GPR89B: variants seen among roughly 807,000 people sequenced by gnomAD.
GPR89B encodes the protein G protein-coupled receptor 89B.
A neutral mutation model predicts 52.4 loss-of-function variants in GPR89B; 25 were observed. That is an observed-to-expected ratio of 0.48 (90% CI 0.35 to 0.67). GPR89B has a LOEUF of 0.67. Ranked by LOEUF, GPR89B falls within the 30% of genes least tolerant of loss-of-function variation. The probability of loss-of-function intolerance (pLI) is 0.01; values close to 1 mark genes in which losing one functional copy is unlikely to be tolerated. For missense variants in GPR89B, 146 were observed against 450.2 expected, an observed-to-expected ratio of 0.32 and a Z score of 6.11; for synonymous variants, 52 against 151.2, an observed-to-expected ratio of 0.34 and a Z score of 4.81.
In GPR89B at chr1:147,977,448, G is replaced by A. The variant is rs1473289079; in HGVS notation, c.909+7489G>A. ...TGTGTCTTGGGGTTGATCTTCTCAT[G>A]GAGTATTTTACTGGAGTTCTCTGGA... On this transcript the variant is annotated intron_variant, in intron 10 of 13. Coordinates refer to ENST00000314163, the MANE Select transcript of GPR89B (RefSeq NM_016334.5). Among the ~76,000 whole-genome samples the A allele has an allele frequency of 4.7e-4, 72 of 151,596 alleles. No homozygotes were observed. The East Asian group carries it at 0.014, about 29-fold the overall frequency.
At chr1:147,975,954 A>G (rs1294031149) in intron 10 of GPR89B, among the ~76,000 whole-genome samples, 71 of 152,106 alleles carry the variant, frequency 4.7e-4, no homozygotes, top group Non-Finnish European at 9.4e-4. Context: ...ATTTTCATGT[A>G]GTTGTGTAGT....
At chr1:148,004,575 A>G in the GPR89B span, among the ~76,000 whole-genome samples, 1 of 126,332 alleles carries the variant, frequency 7.9e-6, no homozygotes, top group African/African-American at 3.0e-5. Context: ...AAAGGTACCT[A>G]GATAAAAGCT....
chr1:147,931,585 C>CT lies in GPR89B; in HGVS notation c.42+3019dup, dbSNP rs55649899. Reference sequence around the variant, plus strand: ...TTGTGTGTGTGTGTGTAGTTTAAGTCTTTTTTTTTTTTCAACTTTTATTTT... The same window carrying CT: ...TTGTGTGTGTGTGTGTAGTTTAAGTCTTTTTTTTTTTTTCAACTTTTATTTT... On this transcript the variant is annotated intron_variant, in intron 1 of 13. Coordinates refer to ENST00000314163, the MANE Select transcript of GPR89B (RefSeq NM_016334.5). 1.7e-3 allele frequency among the ~76,000 whole-genome samples: 230 copies of CT among 137,924 alleles called. 1 individual carries two copies. The highest frequency in any genetic ancestry group is 2.3e-3 in the East Asian group (11 of 4,786). The allele number at this position is 137,924 out of a possible 152,430, so 90.5% of individuals were successfully genotyped here.
rs1189035337 is a variant in GPR89B at position 147,981,318 on chromosome 1, G to GACACACACAC, written c.910-4879_910-4870dup. ...CCCCATTCTTTACCCCTCCCTCCCC[G>GACACACACAC]ACACACACACATACACACACACACA... is the stretch of plus-strand genomic sequence containing the variant. On this transcript the variant is annotated intron_variant, in intron 10 of 13. Transcript: ENST00000314163. 5.9e-3 allele frequency among the ~76,000 whole-genome samples: 881 copies of GACACACACAC among 149,242 alleles called. 21 individuals carry two copies. Among genetic ancestry groups the GACACACACAC allele is most frequent in the African/African-American group, 0.021 (838 of 39,698 alleles).
rs1486346779 is a variant in GPR89B, at chr1:147,993,158, T to G, written c.*241T>G. 9.8e-7 allele frequency: 1 copy of G among 1,015,306 alleles called. No homozygotes were observed. Among genetic ancestry groups the G allele is most frequent in the Non-Finnish European group, 1.4e-6 (1 of 715,608 alleles). The allele number at this position is 1,015,306 out of a possible 1,614,324, so 62.9% of individuals were successfully genotyped here. The stretch of plus-strand genomic sequence containing the variant: ...CTCAGCAGAGAGCATCCCGTGTGGA[T>G]ATGAGGCTGGTGTAGAGGCGGAGAG... On this transcript the variant is annotated 3_prime_UTR_variant, in exon 14 of 14. Coordinates refer to ENST00000314163, the MANE Select transcript of GPR89B (RefSeq NM_016334.5).
chr1:147,981,988 T>G (rs1333605409), intron 10 of GPR89B, among the ~76,000 whole-genome samples: 23 of 151,768 alleles, frequency 1.5e-4, no homozygotes, highest in African/African-American at 5.3e-4. Context: ...ATGTTTTAAT[T>G]TCTCTTATGT....
intron 1 of GPR89B, among the ~76,000 whole-genome samples, chr1:147,932,187 T>C (rs1379930456): frequency 6.6e-6 from 1 of 152,100 alleles, no homozygotes; most frequent in African/African-American, 2.4e-5. Context: ...ATATGGTCTC[T>C]AAACTCTGAA....
At chr1:147,995,709 C>G (rs1299962717), downstream of GPR89B, 30 of 1,608,558 alleles carry the variant, frequency 1.9e-5, no homozygotes, top group Non-Finnish European at 2.5e-5. Flanking sequence ...ATTTTCTTAG[C>G]TTGGAAATAA....
At chr1:148,025,523 C>CAAAAAAAAAAAA in the GPR89B span, among the ~76,000 whole-genome samples, 1 of 29,658 alleles carries the variant, frequency 3.4e-5, no homozygotes. Flanking sequence ...AACTCTGTCT[C>CAAAAAAAAAAAA]AAAAAAAAAA....
At chr1:147,938,104 G>A (rs1410452962) in intron 2 of GPR89B, among the ~76,000 whole-genome samples, 17 of 151,940 alleles carry the variant, frequency 1.1e-4, no homozygotes, top group Non-Finnish European at 2.1e-4. Flanking sequence ...CTGACTTCCC[G>A]CAACACAAGG....
chr1:147,945,460 A>C (rs1654889898), intron 5 of GPR89B, among the ~76,000 whole-genome samples: 1 of 152,272 alleles, frequency 6.6e-6, no homozygotes, highest in Non-Finnish European at 1.5e-5. Flanking sequence ...GAATTTCGAG[A>C]GAGAGAGGTT....
At chr1:148,016,772 G>A in the GPR89B span, among the ~76,000 whole-genome samples, 445 of 151,158 alleles carry the variant, frequency 2.9e-3, 11 homozygotes, top group African/African-American at 0.01. Context: ...TTTCCTCCCC[G>A]CTCCTTTTCA....
At chr1:147,946,021 C>T (rs1468898745) in intron 5 of GPR89B, among the ~76,000 whole-genome samples, 3 of 151,942 alleles carry the variant, frequency 2.0e-5, no homozygotes, top group African/African-American at 7.3e-5. Context: ...CCACCACACC[C>T]AGCCTCAAGT....
At chr1:148,016,738 C>T in the GPR89B span, among the ~76,000 whole-genome samples, 1 of 151,698 alleles carries the variant, frequency 6.6e-6, no homozygotes, top group Non-Finnish European at 1.5e-5. Context: ...ATAAAAATAA[C>T]AAAGAAAGAA....
chr1:147,933,904 G>A (rs1469887115), intron 1 of GPR89B, among the ~76,000 whole-genome samples: 1 of 152,084 alleles, frequency 6.6e-6, no homozygotes, highest in Non-Finnish European at 1.5e-5. Context: ...CCATTTCCCT[G>A]CTTAAATAAC....
chr1:147,978,870 T>A (rs1221816277), intron 10 of GPR89B, among the ~76,000 whole-genome samples: 2 of 149,562 alleles, frequency 1.3e-5, no homozygotes, highest in Non-Finnish European at 2.9e-5. Context: ...ATGGTGGCTA[T>A]CCCGGGAACT....
At chr1:147,996,935 T>A (rs1314437960), downstream of GPR89B, among the ~76,000 whole-genome samples, 10 of 150,460 alleles carry the variant, frequency 6.6e-5, no homozygotes, top group South Asian at 2.1e-4. Context: ...TGTGCTTCGT[T>A]ATGGAGTAAT....
downstream of GPR89B, among the ~76,000 whole-genome samples, chr1:147,998,108 A>G (rs1205992957): frequency 6.0e-5 from 9 of 150,422 alleles, no homozygotes; most frequent in Admixed American, 6.7e-5. Flanking sequence ...TGGCTGTTTT[A>G]GTTGAGACAA....
intron 1 of GPR89B, chr1:147,928,985 A>G (rs1192654118): frequency 2.9e-6 from 1 of 342,918 alleles, no homozygotes; most frequent in Non-Finnish European, 4.1e-6. Flanking sequence ...CCAATACTGG[A>G]TACTGAGGAC....
Sources: allele counts gnomAD v4.1 joint callset (sites outside exome capture counted in the v4.1 genomes callset), GRCh38; gene constraint gnomAD v4.1.1; transcripts MANE v1.5; gene names NCBI Gene and HGNC (gene_info 2026-07-23, HGNC 2026-07-21).